TENM3: variants seen among roughly 807,000 people sequenced by gnomAD.
The protein encoded by TENM3 is teneurin-3.
A neutral mutation model predicts 255.1 loss-of-function variants in TENM3; 63 were observed. The ratio of observed to expected loss-of-function variants is 0.25; its 90% CI spans 0.20 to 0.30. The LOEUF (loss-of-function observed/expected upper bound fraction) is 0.30, where lower values mean the gene tolerates loss of function less well. TENM3 is among the 10% of genes least tolerant of loss of function. The pLI is 1.00. For synonymous variants in TENM3, 1,306 were observed against 1,322.3 expected, an observed-to-expected ratio of 0.99 and a Z score of 0.27; for missense variants, 2,929 against 3,461.1, an observed-to-expected ratio of 0.85 and a Z score of 3.86.
chr4:181,891,002 G>A, the TENM3 span, among the ~76,000 whole-genome samples: 3 of 152,236 alleles, frequency 2.0e-5, no homozygotes, highest in East Asian at 3.9e-4. Flanking sequence ...TACAATCTAA[G>A]CATTTTTGCT....
At chr4:182,212,427 C>A (rs919353140) in intron 1 of TENM3, among the ~76,000 whole-genome samples, 6 of 151,994 alleles carry the variant, frequency 3.9e-5, no homozygotes, top group Non-Finnish European at 8.8e-5. Context: ...TGCAGGCGCC[C>A]GTTGGCCACC....
At chr4:181,608,787 A>C in the TENM3 span, among the ~76,000 whole-genome samples, 8 of 152,178 alleles carry the variant, frequency 5.3e-5, no homozygotes, top group African/African-American at 1.9e-4. Flanking sequence ...GACCCTAATC[A>C]GCTGAGCGAG....
chr4:182,092,450 C>A, the TENM3 span, among the ~76,000 whole-genome samples: 1 of 152,176 alleles, frequency 6.6e-6, no homozygotes, highest in Admixed American at 6.5e-5. Flanking sequence ...GAGTTCAAGG[C>A]CAGCCTGAGC....
the TENM3 span, among the ~76,000 whole-genome samples, chr4:181,597,785 C>A: frequency 6.6e-6 from 1 of 152,132 alleles, no homozygotes; most frequent in South Asian, 2.1e-4. Flanking sequence ...ATGTTTCCAT[C>A]AATCAGTAAT....
At chr4:182,075,063 C>T in the TENM3 span, among the ~76,000 whole-genome samples, 4 of 152,148 alleles carry the variant, frequency 2.6e-5, no homozygotes, top group Admixed American at 2.0e-4. Flanking sequence ...AACTCCACAC[C>T]GCATGGCTCA....
chr4:182,094,773 G>C, the TENM3 span, among the ~76,000 whole-genome samples: 150,306 of 152,254 alleles, frequency 0.99, 74,218 homozygotes, highest in East Asian at 1. Flanking sequence ...TGACATAATA[G>C]TTGAAAGAGC....
chr4:182,664,801 C>G (rs1004300908), intron 6 of TENM3, among the ~76,000 whole-genome samples: 2 of 152,154 alleles, frequency 1.3e-5, no homozygotes, highest in African/African-American at 2.4e-5. Flanking sequence ...AAAGCCTACT[C>G]CAGAGCAAGG....
the TENM3 span, among the ~76,000 whole-genome samples, chr4:181,680,499 G>A: frequency 7.2e-5 from 11 of 152,142 alleles, no homozygotes; most frequent in Non-Finnish European, 1.3e-4. Context: ...ATGTCTTGCC[G>A]AAGCAACCAA....
At chr4:182,760,043 T>C (rs995466862) in intron 22 of TENM3, among the ~76,000 whole-genome samples, 3 of 152,166 alleles carry the variant, frequency 2.0e-5, no homozygotes, top group African/African-American at 4.8e-5. Flanking sequence ...TAAATAATTA[T>C]TCATTACGGA....
At chr4:181,522,100 C>CAAAAAAAAA in the TENM3 span, among the ~76,000 whole-genome samples, 50 of 54,732 alleles carry the variant, frequency 9.1e-4, no homozygotes, top group African/African-American at 1.6e-3. Flanking sequence ...GACTCCGTCT[C>CAAAAAAAAA]AAAAAAAAAA....
the TENM3 span, among the ~76,000 whole-genome samples, chr4:181,468,549 G>A: frequency 6.6e-6 from 1 of 152,114 alleles, no homozygotes; most frequent in Non-Finnish European, 1.5e-5. Flanking sequence ...TCTGTATAGT[G>A]CGCTCTGAAA....
chr4:182,013,333 A>G, the TENM3 span, among the ~76,000 whole-genome samples: 3 of 152,226 alleles, frequency 2.0e-5, no homozygotes, highest in Non-Finnish European at 4.4e-5. Context: ...GAACAATCAA[A>G]TAAGTGTCCT....
Position 182,792,816 on chromosome 4 carries a change from C to T in TENM3, c.6144C>T (p.Asp2048=), listed in dbSNP as rs1180640115. 6.2e-7 allele frequency: 1 copy of T among 1,613,914 alleles called. No individual in the cohort carries two copies. The change falls in exon 26 of 28, where the codon GAC becomes GAT. Residue 2048 remains aspartate, a synonymous_variant. Coordinates refer to ENST00000511685, the MANE Select transcript of TENM3 (RefSeq NM_001080477.4). The surrounding 1 kb of genome is among the most constrained non-coding windows in gnomAD (Gnocchi z 6.3). The stretch of plus-strand genomic sequence containing the variant: ...CTATTGATCTGTATCAGTTTGATGA[C>T]ATTTCTGGCAAAGTTGAGCAGTTTG... ...PLPIDLYQFD[D]ISGKVEQFGK... is the part of the protein sequence containing the mutation.
the TENM3 span, among the ~76,000 whole-genome samples, chr4:182,070,826 A>C: frequency 0.02 from 3,062 of 152,284 alleles, 94 homozygotes; most frequent in East Asian, 0.12. Flanking sequence ...GATATTCCAC[A>C]ACATCCTCAC....
At chr4:182,227,096 A>G (rs1313750724) in intron 1 of TENM3, among the ~76,000 whole-genome samples, 1 of 152,150 alleles carries the variant, frequency 6.6e-6, no homozygotes, top group African/African-American at 2.4e-5. Flanking sequence ...TTCAGTTACT[A>G]TATAAGACAG....
At chr4:181,909,257 G>C in the TENM3 span, among the ~76,000 whole-genome samples, 2 of 152,142 alleles carry the variant, frequency 1.3e-5, no homozygotes, top group East Asian at 3.8e-4. Context: ...ATTTAGCCCT[G>C]TGTCTTTGTG....
chr4:182,643,625 G>T (rs1395255120), intron 5 of TENM3, among the ~76,000 whole-genome samples: 1 of 152,102 alleles, frequency 6.6e-6, no homozygotes, highest in Admixed American at 6.6e-5. Context: ...TTCAGACAGG[G>T]ACTCCAGTCT....
At chr4:182,229,789 A>G (rs960224875) in intron 1 of TENM3, among the ~76,000 whole-genome samples, 4 of 152,212 alleles carry the variant, frequency 2.6e-5, no homozygotes, top group Non-Finnish European at 5.9e-5. Context: ...GATAACATAA[A>G]TCATAATAAG....
the TENM3 span, among the ~76,000 whole-genome samples, chr4:181,776,827 T>G: frequency 0.21 from 31,939 of 152,080 alleles, 3,594 homozygotes; most frequent in East Asian, 0.41. Context: ...CTGGATATAT[T>G]AATCCCTTTT....
Sources: gnomAD v4.1 joint callset for allele counts (sites outside exome capture counted in the v4.1 genomes callset) on GRCh38, gnomAD v4.1.1 for gene constraint, Gnocchi (gnomAD v3.1) non-coding constraint, MANE v1.5 for transcripts, NCBI Gene and HGNC (gene_info 2026-07-23, HGNC 2026-07-21) for gene names.